The following CNTNAP2 variants were observed in gnomAD, a reference collection of about 807,000 sequenced individuals.
CNTNAP2 encodes the protein contactin-associated protein-like 2.
A neutral mutation model predicts 155.2 loss-of-function variants in CNTNAP2; 98 were observed. That is an observed-to-expected ratio of 0.63 (90% CI 0.54 to 0.75). The LOEUF is 0.75. CNTNAP2 is among the 30% of genes least tolerant of loss of function. The probability of loss-of-function intolerance (pLI) is 0.00; values close to 1 mark genes in which losing one functional copy is unlikely to be tolerated. For synonymous variants in CNTNAP2, 651 were observed against 631.2 expected (o/e 1.03, Z -0.47); for missense variants, 1,727 against 1,688.1 (o/e 1.02, Z -0.40).
chr7:146,693,540 A>C (rs907467994), intron 1 of CNTNAP2, among the ~76,000 whole-genome samples: 11 of 152,146 alleles, frequency 7.2e-5, no homozygotes, highest in Admixed American at 5.2e-4. Flanking sequence ...AATAGGGAAA[A>C]ATATTATAAG....
At chr7:148,392,905 A>C (rs1209767169) in intron 22 of CNTNAP2, among the ~76,000 whole-genome samples, 1 of 16,016 alleles carries the variant, frequency 6.2e-5, no homozygotes, top group African/African-American at 2.1e-4. Flanking sequence ...TATACCCAGC[A>C]CTGAGCTAGG....
At chr7:146,429,086 T>G (rs1796135026) in intron 1 of CNTNAP2, among the ~76,000 whole-genome samples, 1 of 152,128 alleles carries the variant, frequency 6.6e-6, no homozygotes, top group Admixed American at 6.6e-5. Flanking sequence ...GGTCTATGTG[T>G]CTGTGTCTGT....
At chr7:147,385,683 G>A (rs1012080120) in intron 9 of CNTNAP2, among the ~76,000 whole-genome samples, 1 of 152,200 alleles carries the variant, frequency 6.6e-6, no homozygotes, top group Non-Finnish European at 1.5e-5. Context: ...GCAAGGTATA[G>A]CCCCCTTCCT....
At chr7:147,837,756 G>T (rs1798657072) in intron 13 of CNTNAP2, among the ~76,000 whole-genome samples, 1 of 152,212 alleles carries the variant, frequency 6.6e-6, no homozygotes, top group African/African-American at 2.4e-5. Context: ...CCAAAATCCA[G>T]CAGGGCTGTC....
At chr7:147,759,311 A>G (rs1365718620) in intron 13 of CNTNAP2, among the ~76,000 whole-genome samples, 3 of 152,174 alleles carry the variant, frequency 2.0e-5, no homozygotes, top group African/African-American at 7.2e-5. Flanking sequence ...TCTGAATCCC[A>G]TAAGACAGTT....
At chr7:147,517,757 T>C (rs1301698046) in intron 11 of CNTNAP2, among the ~76,000 whole-genome samples, 6 of 152,180 alleles carry the variant, frequency 3.9e-5, no homozygotes, top group Admixed American at 3.9e-4. Context: ...ACTTAAGATT[T>C]CAAGTCCTTA....
chr7:146,951,760 T>C (rs935315802), intron 3 of CNTNAP2, among the ~76,000 whole-genome samples: 2 of 152,164 alleles, frequency 1.3e-5, no homozygotes, highest in South Asian at 4.1e-4. Context: ...TTGCATAGGA[T>C]TGTCTTGACT....
At chr7:146,746,899 A>T (rs1477899206) in intron 1 of CNTNAP2, among the ~76,000 whole-genome samples, 1 of 151,772 alleles carries the variant, frequency 6.6e-6, no homozygotes, top group African/African-American at 2.4e-5. Flanking sequence ...GTAACCTAGC[A>T]ACAAAGAAGT....
intron 18 of CNTNAP2, among the ~76,000 whole-genome samples, chr7:148,192,102 C>T (rs1252390353): frequency 1.3e-5 from 2 of 152,108 alleles, no homozygotes; most frequent in Admixed American, 1.3e-4. Context: ...TGTTTCAGGG[C>T]TTACAGAAGC....
intron 8 of CNTNAP2, among the ~76,000 whole-genome samples, chr7:147,243,163 A>AT (rs1418691230): frequency 1.3e-5 from 2 of 151,078 alleles, no homozygotes; most frequent in Admixed American, 1.3e-4. Flanking sequence ...CGCCCGGCTA[A>AT]TTTTTTTGTA....
At chr7:146,441,902 T>C (rs1261929379) in intron 1 of CNTNAP2, among the ~76,000 whole-genome samples, 1 of 151,594 alleles carries the variant, frequency 6.6e-6, no homozygotes, top group African/African-American at 2.4e-5. Flanking sequence ...AGATAAAACA[T>C]GTAAAGATAT....
chr7:147,849,742 T>C (rs2116665239), intron 13 of CNTNAP2: 1 of 152,324 alleles, frequency 6.6e-6, no homozygotes, highest in South Asian at 2.1e-4. Context: ...GCCCTTTCTG[T>C]CACCAAGGCC....
At chr7:148,118,835 A>G (rs553924063) in intron 16 of CNTNAP2, among the ~76,000 whole-genome samples, 9 of 152,120 alleles carry the variant, frequency 5.9e-5, no homozygotes, top group Admixed American at 1.3e-4. Flanking sequence ...GATGTCATGT[A>G]CTTAGCCAAA....
intron 14 of CNTNAP2, among the ~76,000 whole-genome samples, chr7:147,947,132 A>G (rs1383002600): frequency 6.6e-6 from 1 of 152,168 alleles, no homozygotes; most frequent in Non-Finnish European, 1.5e-5. Context: ...CTTATTATGC[A>G]GATAAAGCCT....
chr7:147,896,005 G>GA (rs1563127195), intron 13 of CNTNAP2, among the ~76,000 whole-genome samples: 1 of 152,142 alleles, frequency 6.6e-6, no homozygotes, highest in Admixed American at 6.5e-5. Context: ...ATTTTCCTAG[G>GA]AAAAAGAACA....
intron 1 of CNTNAP2, among the ~76,000 whole-genome samples, chr7:146,383,078 G>T (rs1219530030): frequency 6.6e-6 from 1 of 152,070 alleles, no homozygotes; most frequent in Admixed American, 6.6e-5. Flanking sequence ...TGAACTCATT[G>T]ATTAATTTAG....
chr7:147,682,123 G>GGGATGAAA (rs200406102), intron 13 of CNTNAP2, among the ~76,000 whole-genome samples: 2,471 of 151,784 alleles, frequency 0.016, 217 homozygotes, highest in Admixed American at 0.15. Flanking sequence ...GTGCAACAAG[G>GGGATGAAA]GGATGAAATT....
intron 4 of CNTNAP2, among the ~76,000 whole-genome samples, chr7:147,086,798 A>G (rs923496312): frequency 1.3e-5 from 2 of 152,150 alleles, no homozygotes; most frequent in Middle Eastern, 3.2e-3. Flanking sequence ...TTCTCTAACT[A>G]TATCAAATAA....
intron 13 of CNTNAP2, among the ~76,000 whole-genome samples, chr7:147,762,909 A>T (rs947807944): frequency 5.3e-5 from 8 of 152,094 alleles, no homozygotes; most frequent in Non-Finnish European, 1.2e-4. Flanking sequence ...TGTAAACATG[A>T]GGTCAGATTC....
Sources: gnomAD v4.1 joint callset for allele counts (sites outside exome capture counted in the v4.1 genomes callset) on GRCh38, gnomAD v4.1.1 for gene constraint, MANE v1.5 for transcripts, NCBI Gene and HGNC (gene_info 2026-07-23, HGNC 2026-07-21) for gene names.